The following DYNC2H1 variants were observed in gnomAD, a reference collection of about 807,000 sequenced individuals.
DYNC2H1 encodes the protein cytoplasmic dynein 2 heavy chain 1.
Under a neutral mutation model 570.0 loss-of-function variants are expected in DYNC2H1, and 410 were observed. The observed-to-expected ratio is 0.72, with a 90% CI of 0.66 to 0.78. The LOEUF is 0.78. Ranked by LOEUF, DYNC2H1 falls within the 30% of genes least tolerant of loss-of-function variation. The pLI is 0.00. For missense variants in DYNC2H1, 4,865 were observed against 5,046.4 expected (o/e 0.96, Z 1.09); for synonymous variants, 1,688 against 1,677.6 (o/e 1.01, Z -0.15).
intron 85 of DYNC2H1, among the ~76,000 whole-genome samples, chr11:103,445,845 G>A (rs1369159788): frequency 6.6e-6 from 1 of 152,070 alleles, no homozygotes; most frequent in Non-Finnish European, 1.5e-5. Flanking sequence ...GTAGAGACGG[G>A]GTTTCACCAT....
rs1942287943 is a variant in DYNC2H1 at position 103,394,045 on chromosome 11, CA to C, written c.12157-5616del. On this transcript the variant is annotated intron_variant, in intron 83 of 88. Coordinates refer to ENST00000375735, the MANE Select transcript of DYNC2H1 (RefSeq NM_001377.3). ...GGGTGGGGACACAGCCAAACCATATCAACTCCCCTTCTCTTTTAGCCTTGGC... is the reference window on the plus strand; with the variant it reads ...GGGTGGGGACACAGCCAAACCATATCACTCCCCTTCTCTTTTAGCCTTGGC... Among the ~76,000 whole-genome samples the C allele has an allele frequency of 4.6e-5, 7 of 152,130 alleles. No homozygotes were observed. In the South Asian group the frequency reaches 1.4e-3, roughly 32 times the overall value.
chr11:103,159,062 G>T, intron 28 of DYNC2H1, 35 bp downstream of exon 28: 1 of 1,530,862 alleles, frequency 6.5e-7, no homozygotes, highest in Non-Finnish European at 9.0e-7. Flanking sequence ...GATATTTATT[G>T]AGTTTCAACT....
rs1944419351 is a variant in DYNC2H1, at chr11:103,446,170, T to C, written c.12457-9016T>C. Among the ~76,000 whole-genome samples the C allele has an allele frequency of 6.6e-6, 1 of 152,120 alleles. No homozygotes were observed. The highest frequency in any genetic ancestry group is 6.5e-5 in the Admixed American group (1 of 15,270). On this transcript the variant is annotated intron_variant, in intron 85 of 88. Coordinates refer to ENST00000375735, the MANE Select transcript of DYNC2H1 (RefSeq NM_001377.3). The surrounding 1 kb of genome is among the most constrained non-coding windows in gnomAD (Gnocchi z 4.5). The stretch of plus-strand genomic sequence containing the variant: ...CTTGGTGGAAATGTCAGAGAAGTAA[T>C]TGATGAGAAAGCTACTGGAATTGGA...
chr11:103,310,283 C>T (rs1867514718), intron 78 of DYNC2H1, among the ~76,000 whole-genome samples: 1 of 151,648 alleles, frequency 6.6e-6, no homozygotes, highest in Admixed American at 6.6e-5. Flanking sequence ...TTTCTTCTTC[C>T]TGATTTCTTG....
chr11:103,395,961 C>G lies in DYNC2H1; in HGVS notation c.12157-3702C>G, dbSNP rs55848627. ...TTTCTTTAACCCTTACAGATCCACT[C>G]CAACTTTGTTTTTACTTCTAATTTC... On this transcript the variant is annotated intron_variant, in intron 83 of 88. Transcript: ENST00000375735. The surrounding 1 kb of genome is among the most constrained non-coding windows in gnomAD (Gnocchi z 4.3). Among the ~76,000 whole-genome samples, 843 of 152,278 alleles carry G rather than the reference C, an allele frequency of 5.5e-3. 13 individuals are homozygous for G. The highest frequency in any genetic ancestry group is 0.02 in the African/African-American group (811 of 41,574).
intron 36 of DYNC2H1, among the ~76,000 whole-genome samples, chr11:103,175,180 G>A (rs923563268): frequency 1.8e-4 from 27 of 152,076 alleles, no homozygotes; most frequent in African/African-American, 6.3e-4. Flanking sequence ...AGTTTCTTCA[G>A]GTTGCTATTG....
intron 83 of DYNC2H1, among the ~76,000 whole-genome samples, chr11:103,383,320 T>G (rs930769008): frequency 6.6e-6 from 1 of 152,208 alleles, no homozygotes; most frequent in African/African-American, 2.4e-5. Context: ...TTTGCAGAGT[T>G]AGCCCCAGCT....
At chr11:103,349,961 A>G (rs531643114) in intron 82 of DYNC2H1, among the ~76,000 whole-genome samples, 2 of 152,144 alleles carry the variant, frequency 1.3e-5, no homozygotes, top group African/African-American at 2.4e-5. Context: ...TTTATCCTGC[A>G]TATGTTAACA....
chr11:103,184,785 G>T (rs1487989323), intron 40 of DYNC2H1, 111 bp from the exon 41 acceptor site: 7 of 1,058,202 alleles, frequency 6.6e-6, no homozygotes, highest in Non-Finnish European at 9.3e-6. Flanking sequence ...ATAGAGGAGT[G>T]AGTTTAAAAA....
chr11:103,468,770 A>G, intron 88 of DYNC2H1, 65 bp downstream of exon 88: 2 of 1,273,670 alleles, frequency 1.6e-6, no homozygotes, highest in East Asian at 5.0e-5. Context: ...TTATCTTTTC[A>G]AGAAGACATT....
Position 103,358,246 on chromosome 11 carries a change from A to T in DYNC2H1, c.12043A>T (p.Ile4015Phe). The T allele has an allele frequency of 1.3e-6, 2 of 1,550,052 alleles. No individual in the cohort carries two copies. Among genetic ancestry groups the T allele is most frequent in the Non-Finnish European group, 1.8e-6 (2 of 1,141,176 alleles). ...SSQRMISSQV[I>F]SQLRILGRSI... is the part of the protein sequence containing the mutation. ...TACTTATTATTTTTTTATTCAGGTT[A>T]TTTCACAGTTGAGGATTTTGGGCAG... The change falls in exon 83 of 89, where the codon ATT becomes TTT. Residue 4015 changes from isoleucine (I) to phenylalanine (F), a missense_variant. Physicochemically the swap from Ile to Phe is conservative, Grantham distance 21. Coordinates refer to ENST00000375735, the MANE Select transcript of DYNC2H1 (RefSeq NM_001377.3).
chr11:103,172,723 G>A (rs1861625238), intron 34 of DYNC2H1, among the ~76,000 whole-genome samples: 1 of 151,998 alleles, frequency 6.6e-6, no homozygotes, highest in African/African-American at 2.4e-5. Context: ...AGTTGTCTCT[G>A]TGTACTTAAC....
chr11:103,253,215 A>C, intron 65 of DYNC2H1, 70 bp from the exon 66 acceptor site: 1 of 1,445,198 alleles, frequency 6.9e-7, no homozygotes, highest in African/African-American at 1.4e-5. Flanking sequence ...CTTAAAAATT[A>C]TATTTTCAAA....
Position 103,163,297 on chromosome 11 carries a change from C to A in DYNC2H1, c.4611+150C>A, listed in dbSNP as rs1861174042. On this transcript the variant is annotated intron_variant, in intron 30 of 88. Coordinates refer to ENST00000375735, the MANE Select transcript of DYNC2H1 (RefSeq NM_001377.3). This position sits in a 1 kb window ranked among gnomAD's most constrained non-coding sequence, Gnocchi z 4.6. ...TTGCTTAACTTCTGAGTCTCAGTTC[C>A]TTCAGCTGTAAAATGTGGGGGATGA... 33 of 1,028,718 alleles carry A rather than the reference C, an allele frequency of 3.2e-5. No homozygotes were observed. The South Asian group carries it at 6.9e-4, about 21-fold the overall frequency. The allele number at this position is 1,028,718 out of a possible 1,614,324, so 63.7% of individuals were successfully genotyped here.
At chr11:103,386,002 C>T (rs540548430) in intron 83 of DYNC2H1, among the ~76,000 whole-genome samples, 21 of 152,220 alleles carry the variant, frequency 1.4e-4, no homozygotes, top group Admixed American at 9.2e-4. Context: ...GCAATCTGAT[C>T]TAGAATACCT....
chr11:103,118,706 T>C (rs1858546397), intron 6 of DYNC2H1, among the ~76,000 whole-genome samples: 2 of 152,220 alleles, frequency 1.3e-5, no homozygotes, highest in Admixed American at 1.3e-4. Context: ...TTGAATGAGG[T>C]TGCAGACAAG....
At chr11:103,426,910 C>T (rs1223779674) in intron 84 of DYNC2H1, among the ~76,000 whole-genome samples, 2 of 152,024 alleles carry the variant, frequency 1.3e-5, no homozygotes, top group African/African-American at 4.8e-5. Flanking sequence ...TGCCATTTTG[C>T]ATTAGTAGTT....
intron 81 of DYNC2H1, 120 bp downstream of exon 81, chr11:103,321,357 T>C (rs1273421421): frequency 5.5e-6 from 6 of 1,098,198 alleles, no homozygotes; most frequent in South Asian, 2.8e-5. Flanking sequence ...GTTTGGATTA[T>C]TTGTTATGAC....
chr11:103,116,492 A>C, intron 4 of DYNC2H1, 78 bp from the exon 5 acceptor site: 1 of 1,121,974 alleles, frequency 8.9e-7, no homozygotes, highest in Non-Finnish European at 1.2e-6. Context: ...GGCAGTTGAA[A>C]AGGCCTGGGA....
Sources: allele counts gnomAD v4.1 joint callset (sites outside exome capture counted in the v4.1 genomes callset), GRCh38; gene constraint gnomAD v4.1.1; non-coding constraint Gnocchi (gnomAD v3.1); transcripts MANE v1.5; gene names NCBI Gene and HGNC (gene_info 2026-07-23, HGNC 2026-07-21).